The following RALGAPB variants were observed in gnomAD, a reference collection of about 807,000 sequenced individuals.
The protein encoded by RALGAPB is ral GTPase-activating protein subunit beta.
A neutral mutation model predicts 161.1 loss-of-function variants in RALGAPB; 25 were observed. The observed-to-expected ratio is 0.16, with a 90% CI of 0.11 to 0.22. The LOEUF is 0.22. Among genes scored for constraint, RALGAPB ranks in the 10% least tolerant of loss-of-function variants. RALGAPB has a pLI of 1.00. For synonymous variants in RALGAPB, 629 were observed against 626.1 expected, an observed-to-expected ratio of 1.00 and a Z score of -0.07; for missense variants, 1,391 against 1,815.2, an observed-to-expected ratio of 0.77 and a Z score of 4.25.
chr20:38,578,061 A>G lies in RALGAPB; in HGVS notation c.*3094A>G, dbSNP rs1240556972. ...GTAGGTGGTAAAAATAAATAAATAA[A>G]TAAATAATAAAAAAAGAAACATGTA... On this transcript the variant is annotated 3_prime_UTR_variant, in exon 30 of 30. Coordinates refer to ENST00000262879, the MANE Select transcript of RALGAPB (RefSeq NM_020336.4). The G allele has an allele frequency of 6.6e-6, 1 of 152,120 alleles. No individual in the cohort carries two copies. Among genetic ancestry groups the G allele is most frequent in the Admixed American group, 6.5e-5 (1 of 15,272 alleles). The allele number at this position is 152,120 out of a possible 1,614,324, so 9.4% of individuals were successfully genotyped here.
chr20:38,484,810 C>T (rs942842510), intron 1 of RALGAPB, among the ~76,000 whole-genome samples: 2 of 152,178 alleles, frequency 1.3e-5, no homozygotes, highest in African/African-American at 4.8e-5. Flanking sequence ...ATCCTCCTGC[C>T]TCAGCCTCCT....
chr20:38,488,471 G>A lies in RALGAPB; in HGVS notation c.39G>A (p.Gln13=), dbSNP rs376881255. The A allele has an allele frequency of 1.4e-4, 225 of 1,614,054 alleles. No homozygotes were observed. Among genetic ancestry groups the A allele is most frequent in the Non-Finnish European group, 1.8e-4 (215 of 1,180,028 alleles). The change falls in exon 2 of 30, where the codon CAG becomes CAA. Residue 13 remains glutamine (Q), a synonymous_variant. Coordinates refer to ENST00000262879, the MANE Select transcript of RALGAPB (RefSeq NM_020336.4). ...SEWRSLHLVI[Q]NDQGHTSVLH... is the part of the protein sequence containing the mutation. ...GGAGGTCACTGCATTTGGTGATTCA[G>A]AATGATCAAGGCCATACCAGTGTGC...
intron 5 of RALGAPB, 41 bp from the exon 6 acceptor site, chr20:38,509,036 C>A: frequency 6.3e-7 from 1 of 1,594,672 alleles, no homozygotes; most frequent in Non-Finnish European, 8.6e-7. Flanking sequence ...ATTTTTCAAT[C>A]TGTTAAGAAA....
At position 38,506,862 on chromosome 20, in the gene RALGAPB, G is replaced by A. The variant is rs528638757; in HGVS notation, c.741-2215G>A. Reference sequence around the variant, plus strand: ...TTCTCTTTTTCTGAGTTAATGTTTAGATCTTTATTATTATTTAAACTAAAA... The same window carrying A: ...TTCTCTTTTTCTGAGTTAATGTTTAAATCTTTATTATTATTTAAACTAAAA... On this transcript the variant is annotated intron_variant, in intron 5 of 29. Transcript: ENST00000262879. Among the ~76,000 whole-genome samples, 9 of 152,042 alleles carry A rather than the reference G, an allele frequency of 5.9e-5. No individual in the cohort carries two copies. The South Asian group carries it at 1.7e-3, about 28-fold the overall frequency.
At chr20:38,537,667 A>G (rs1472066650) in intron 16 of RALGAPB, 4 of 152,228 alleles carry the variant, frequency 2.6e-5, no homozygotes, top group Admixed American at 6.5e-5. Flanking sequence ...TTTATAAAGC[A>G]TATATTTGAT....
At chr20:38,492,273 C>T (rs1254134738) in intron 2 of RALGAPB, among the ~76,000 whole-genome samples, 2 of 152,174 alleles carry the variant, frequency 1.3e-5, no homozygotes, top group East Asian at 3.8e-4. Context: ...GTGGTTCAGC[C>T]GTCTCTTAGG....
At chr20:38,484,196 G>A (rs1455451604) in intron 1 of RALGAPB, among the ~76,000 whole-genome samples, 4 of 152,002 alleles carry the variant, frequency 2.6e-5, no homozygotes, top group Admixed American at 2.6e-4. Context: ...GAAAAGAAAA[G>A]AGTAGACTGG....
intron 22 of RALGAPB, among the ~76,000 whole-genome samples, chr20:38,556,137 T>G (rs1303224663): frequency 6.6e-6 from 1 of 152,182 alleles, no homozygotes; most frequent in African/African-American, 2.4e-5. Flanking sequence ...TTTAAAAGAT[T>G]CCTCTAATGA....
Position 38,562,641 on chromosome 20 carries a change from A to T in RALGAPB, c.3641A>T (p.His1214Leu). 6.2e-7 allele frequency: 1 copy of T among 1,614,006 alleles called. No homozygotes were observed. ...DVGRHPGWTG[H>L]VSTSWSINCC... ...GGCAGACACCCTGGTTGGACTGGGC[A>T]TGTTTCTACCAGTTGGTCTATTAAT... Residue 1214 changes from histidine (H) to leucine (L), a missense_variant, in exon 24 of 30, where the codon CAT becomes CTT. Coordinates refer to ENST00000262879, the MANE Select transcript of RALGAPB (RefSeq NM_020336.4).
rs776256811 is a variant in RALGAPB, at chr20:38,488,429, C to A, written c.-4C>A. ...TGCCATTTGGATTGTACTTTAGTGG[C>A]ACGATGTACTCTGAGTGGAGGTCAC... On this transcript the variant is annotated 5_prime_UTR_variant, in exon 2 of 30. Coordinates refer to ENST00000262879, the MANE Select transcript of RALGAPB (RefSeq NM_020336.4). 1 of 1,608,876 alleles carries A rather than the reference C, an allele frequency of 6.2e-7. No individual in the cohort carries two copies. Among genetic ancestry groups the A allele is most frequent in the East Asian group, 2.2e-5 (1 of 44,752 alleles).
At chr20:38,517,679 A>G (rs746685587) in intron 8 of RALGAPB, 25 bp downstream of exon 8, 14 of 1,612,188 alleles carry the variant, frequency 8.7e-6, no homozygotes, top group Non-Finnish European at 1.2e-5. Flanking sequence ...CACCATTGTT[A>G]TGCTATATAA....
At chr20:38,545,355 T>C (rs2087128357) in intron 18 of RALGAPB, among the ~76,000 whole-genome samples, 1 of 152,214 alleles carries the variant, frequency 6.6e-6, no homozygotes, top group African/African-American at 2.4e-5. Context: ...ATTATGATAC[T>C]ATATCACATA....
At chr20:38,521,807 G>A in intron 10 of RALGAPB, 109 bp downstream of exon 10, 4 of 1,089,700 alleles carry the variant, frequency 3.7e-6, no homozygotes, top group Non-Finnish European at 5.3e-6. Flanking sequence ...ACCTACAGAT[G>A]TCTGTAAGTG....
intron 1 of RALGAPB, among the ~76,000 whole-genome samples, chr20:38,486,978 C>T (rs995567493): frequency 6.6e-6 from 1 of 152,196 alleles, no homozygotes; most frequent in South Asian, 2.1e-4. Flanking sequence ...TGTATCCGTA[C>T]ACCACTAATG....
intron 26 of RALGAPB, chr20:38,569,003 T>C (rs926280936): frequency 1.3e-5 from 2 of 152,114 alleles, no homozygotes; most frequent in African/African-American, 4.8e-5. Context: ...AAGAAAGTAG[T>C]CTGTGAATAT....
chr20:38,513,549 C>CT (rs1201807100), intron 6 of RALGAPB, among the ~76,000 whole-genome samples: 1 of 151,268 alleles, frequency 6.6e-6, no homozygotes, highest in Non-Finnish European at 1.5e-5. Flanking sequence ...ACTCAGGAGG[C>CT]TGAAGCACAG....
intron 13 of RALGAPB, among the ~76,000 whole-genome samples, chr20:38,528,543 T>A (rs1265290879): frequency 6.6e-6 from 1 of 152,004 alleles, no homozygotes; most frequent in Non-Finnish European, 1.5e-5. Context: ...GCTAATTTTT[T>A]GTTGTTGTTA....
chr20:38,506,800 A>G (rs1173786198), intron 5 of RALGAPB, among the ~76,000 whole-genome samples: 1 of 152,192 alleles, frequency 6.6e-6, no homozygotes, highest in Non-Finnish European at 1.5e-5. Flanking sequence ...ACAGGAACAA[A>G]AACTTTATAG....
intron 16 of RALGAPB, 72 bp downstream of exon 16, chr20:38,535,279 C>A (rs111336782): frequency 6.6e-6 from 10 of 1,509,474 alleles, no homozygotes; most frequent in African/African-American, 5.6e-5. Context: ...ATCTCTTAAC[C>A]CCTTGTGTGG....
Sources: gnomAD v4.1 joint callset for allele counts (sites outside exome capture counted in the v4.1 genomes callset) on GRCh38, gnomAD v4.1.1 for gene constraint, MANE v1.5 for transcripts, NCBI Gene and HGNC (gene_info 2026-07-23, HGNC 2026-07-21) for gene names.